The following HPSE2 variants were observed in gnomAD, a reference collection of about 807,000 sequenced individuals.
The protein encoded by HPSE2 is inactive heparanase-2.
HPSE2 carries 38 observed loss-of-function variants against 60.5 expected under a neutral mutation model. That is an observed-to-expected ratio of 0.63 (90% CI 0.48 to 0.82). HPSE2 has a LOEUF of 0.82. Ranked by LOEUF, HPSE2 falls within the 40% of genes least tolerant of loss-of-function variation. The probability of loss-of-function intolerance (pLI) is 0.00; values close to 1 mark genes in which losing one functional copy is unlikely to be tolerated. For missense variants in HPSE2, 713 were observed against 740.4 expected (o/e 0.96, Z 0.43); for synonymous variants, 295 against 293.2 (o/e 1.01, Z -0.06).
intron 3 of HPSE2, among the ~76,000 whole-genome samples, chr10:98,778,663 C>A (rs1170770943): frequency 6.6e-6 from 1 of 152,078 alleles, no homozygotes; most frequent in Non-Finnish European, 1.5e-5. Context: ...GATGCCGAGG[C>A]AATGCACACT....
chr10:99,292,264 G>T, the HPSE2 span, among the ~76,000 whole-genome samples: 2 of 152,174 alleles, frequency 1.3e-5, no homozygotes, highest in African/African-American at 4.8e-5. Context: ...TGGGAAGTTG[G>T]CTGGAAATTT....
intron 3 of HPSE2, among the ~76,000 whole-genome samples, chr10:98,910,659 C>T (rs1953953719): frequency 6.6e-6 from 1 of 152,162 alleles, no homozygotes; most frequent in South Asian, 2.1e-4. Flanking sequence ...ACAGTAATCT[C>T]TCAGTGTCAA....
rs60830323 is a variant in HPSE2, at chr10:98,459,424, G to T, written c.*150C>A. ...GGCTAAGATCACGCTATGACATTTA[G>T]TCTCTTTGGAGAGCAAGTCTGTGTT... is the stretch of plus-strand genomic sequence containing the variant. On this transcript the variant is annotated 3_prime_UTR_variant, in exon 12 of 12. Transcript: ENST00000370552. 2,945 of 890,408 alleles carry T rather than the reference G, an allele frequency of 3.3e-3. 57 individuals are homozygous for T. In the African/African-American group the frequency reaches 0.041, roughly 12 times the overall value. 55.2% of individuals were successfully genotyped at this position (890,408 alleles called of 1,614,324 possible). A position where few individuals can be genotyped will look rare whatever the true frequency, so the allele number is the denominator to read the frequency against.
chr10:99,225,678 T>C (rs571901859), intron 2 of HPSE2, among the ~76,000 whole-genome samples: 1 of 152,076 alleles, frequency 6.6e-6, no homozygotes, highest in African/African-American at 2.4e-5. Context: ...AAAGGGAAGA[T>C]GGGAGAGAGC....
intron 3 of HPSE2, among the ~76,000 whole-genome samples, chr10:98,761,944 C>T (rs1476311624): frequency 6.6e-6 from 1 of 151,976 alleles, no homozygotes; most frequent in Non-Finnish European, 1.5e-5. Flanking sequence ...CCGCAACATG[C>T]CAGACAGTTT....
intron 3 of HPSE2, among the ~76,000 whole-genome samples, chr10:99,101,806 A>G (rs553929168): frequency 2.0e-5 from 3 of 152,372 alleles, no homozygotes; most frequent in Admixed American, 6.5e-5. Flanking sequence ...AGTGCAATCA[A>G]ACTAGGACTC....
chr10:98,897,833 A>C (rs1471784026), intron 3 of HPSE2, among the ~76,000 whole-genome samples: 1 of 152,158 alleles, frequency 6.6e-6, no homozygotes, highest in African/African-American at 2.4e-5. Context: ...GAAAGAAAAA[A>C]AATTGATTAG....
chr10:98,512,584 C>CA (rs34214972), intron 9 of HPSE2, among the ~76,000 whole-genome samples: 91,073 of 143,784 alleles, frequency 0.63, 29,215 homozygotes, highest in Middle Eastern at 0.76. Flanking sequence ...GACTGCGTCT[C>CA]AAAAAAAAAA....
At chr10:98,555,685 A>G (rs1249768794) in intron 9 of HPSE2, among the ~76,000 whole-genome samples, 1 of 152,230 alleles carries the variant, frequency 6.6e-6, no homozygotes, top group African/African-American at 2.4e-5. Flanking sequence ...TTATAATAAG[A>G]AAAGCTATAA....
chr10:99,145,761 T>C (rs183663604), intron 2 of HPSE2, among the ~76,000 whole-genome samples: 1 of 152,282 alleles, frequency 6.6e-6, no homozygotes, highest in East Asian at 1.9e-4. Context: ...CTATATTCAG[T>C]GACACTTAAG....
At chr10:99,201,646 T>C (rs1332874617) in intron 2 of HPSE2, among the ~76,000 whole-genome samples, 1 of 152,200 alleles carries the variant, frequency 6.6e-6, no homozygotes, top group Non-Finnish European at 1.5e-5. Context: ...TGACACATTA[T>C]TATTATCTGT....
chr10:99,257,576 C>T, the HPSE2 span, among the ~76,000 whole-genome samples: 1 of 152,198 alleles, frequency 6.6e-6, no homozygotes, highest in Non-Finnish European at 1.5e-5. Flanking sequence ...GTTGTCTGCT[C>T]TCAAACCCTG....
chr10:98,901,044 A>G (rs1953652705), intron 3 of HPSE2, among the ~76,000 whole-genome samples: 1 of 152,216 alleles, frequency 6.6e-6, no homozygotes, highest in African/African-American at 2.4e-5. Context: ...AGTGCTTGAT[A>G]TGTGCAACAA....
intron 3 of HPSE2, among the ~76,000 whole-genome samples, chr10:98,984,274 G>A (rs1172848677): frequency 6.6e-6 from 1 of 152,102 alleles, no homozygotes; most frequent in Non-Finnish European, 1.5e-5. Flanking sequence ...CACACGGCCA[G>A]GTACTCCTCT....
At chr10:99,030,140 T>C (rs1373522895) in intron 3 of HPSE2, among the ~76,000 whole-genome samples, 2 of 152,340 alleles carry the variant, frequency 1.3e-5, no homozygotes, top group Non-Finnish European at 2.9e-5. Flanking sequence ...AGGATTATTA[T>C]AATATTGGGA....
At chr10:99,099,373 G>A (rs1843851930) in intron 3 of HPSE2, among the ~76,000 whole-genome samples, 1 of 152,228 alleles carries the variant, frequency 6.6e-6, no homozygotes. Flanking sequence ...AGGGACCCAT[G>A]CCCGTGGAGT....
intron 3 of HPSE2, among the ~76,000 whole-genome samples, chr10:99,023,183 T>C (rs1482049142): frequency 1.3e-5 from 2 of 152,102 alleles, no homozygotes; most frequent in Non-Finnish European, 2.9e-5. Flanking sequence ...CCCGTGGGTC[T>C]TAAGGGAACA....
At chr10:99,180,045 A>G (rs182796552) in intron 2 of HPSE2, among the ~76,000 whole-genome samples, 285 of 152,354 alleles carry the variant, frequency 1.9e-3, no homozygotes, top group African/African-American at 6.4e-3. Flanking sequence ...TGTTGGGAAA[A>G]CTGGCTAGCC....
chr10:98,618,058 A>C (rs1945967842), intron 8 of HPSE2, among the ~76,000 whole-genome samples: 1 of 152,100 alleles, frequency 6.6e-6, no homozygotes, highest in African/African-American at 2.4e-5. Flanking sequence ...CCCCGCCACG[A>C]CAGGAAGCAA....
Sources: allele counts gnomAD v4.1 joint callset (sites outside exome capture counted in the v4.1 genomes callset), GRCh38; gene constraint gnomAD v4.1.1; transcripts MANE v1.5; gene names NCBI Gene and HGNC (gene_info 2026-07-23, HGNC 2026-07-21).